The following TCF3 variants were observed in gnomAD, a reference collection of about 807,000 sequenced individuals.
TCF3 encodes the protein transcription factor E2-alpha.
A neutral mutation model predicts 72.3 loss-of-function variants in TCF3; 54 were observed. The ratio of observed to expected loss-of-function variants is 0.75; its 90% CI spans 0.60 to 0.94. TCF3 has a LOEUF of 0.94. Among genes scored for constraint, TCF3 ranks in the 40% least tolerant of loss-of-function variants. The pLI is 0.00. For missense variants in TCF3, 1,078 were observed against 934.4 expected, an observed-to-expected ratio of 1.15 and a Z score of -2.00; for synonymous variants, 525 against 412.6, an observed-to-expected ratio of 1.27 and a Z score of -3.30.
intron 8 of TCF3, 92 bp downstream of exon 8, chr19:1,623,859 C>T (rs2062557251): frequency 1.5e-6 from 2 of 1,355,162 alleles, no homozygotes; most frequent in South Asian, 1.3e-5. Flanking sequence ...CAGGGCCCAC[C>T]CCGCCATGTG....
chr19:1,642,778 G>C (rs1038777891), intron 3 of TCF3, among the ~76,000 whole-genome samples: 39 of 152,154 alleles, frequency 2.6e-4, no homozygotes, highest in African/African-American at 8.9e-4. Flanking sequence ...GGTCACAAGG[G>C]ACGCTTTCAA....
In TCF3 at chr19:1,650,264, G is replaced by A; in HGVS notation, c.-16C>T. On this transcript the variant is annotated 5_prime_UTR_variant, in exon 2 of 19. Coordinates refer to ENST00000262965, the MANE Select transcript of TCF3 (RefSeq NM_003200.5). ...GCTGGTTCATTCTCCTGGGGCCAGG[G>A]CGGGCACCTCAGGCCTGGAAACCCT... The A allele has an allele frequency of 1.3e-6, 2 of 1,555,636 alleles. No individual in the cohort carries two copies. Among genetic ancestry groups the A allele is most frequent in the Non-Finnish European group, 1.7e-6 (2 of 1,151,230 alleles).
At position 1,625,628 on chromosome 19, in the gene TCF3, G is replaced by C; in HGVS notation, c.447C>G (p.Tyr149Ter). 1 of 1,566,256 alleles carries C rather than the reference G, an allele frequency of 6.4e-7. No homozygotes were observed. Among genetic ancestry groups the C allele is most frequent in the Non-Finnish European group, 8.6e-7 (1 of 1,160,234 alleles). Residue 149 changes from tyrosine to a stop codon, truncating the protein, a stop_gained, in exon 7 of 19, where the codon TAC becomes TAG. Coordinates refer to ENST00000262965, the MANE Select transcript of TCF3 (RefSeq NM_003200.5). LOFTEE classifies it high-confidence loss of function. ...GGGAGCTGCCGGAGTAGGAGGGGTA[G>C]TACTGGGAGGTCCCCTTCATGCCCG... is the stretch of plus-strand genomic sequence containing the variant. The part of the protein sequence containing the change: ...SPSGMKGTSQ[Y>*]YPSYSGSSRR...
intron 5 of TCF3, among the ~76,000 whole-genome samples, chr19:1,629,262 A>G (rs1304410567): frequency 6.6e-6 from 1 of 151,848 alleles, no homozygotes; most frequent in Admixed American, 6.6e-5. Flanking sequence ...GTCCCAGGGG[A>G]CAGGCCTGGG....
intron 3 of TCF3, among the ~76,000 whole-genome samples, chr19:1,643,342 T>G (rs2065609752): frequency 6.6e-6 from 1 of 152,140 alleles, no homozygotes; most frequent in Non-Finnish European, 1.5e-5. Flanking sequence ...TGCCTCAGCC[T>G]CCCGAGTAGC....
At chr19:1,635,064 C>T (rs577725567) in intron 3 of TCF3, among the ~76,000 whole-genome samples, 5 of 152,184 alleles carry the variant, frequency 3.3e-5, no homozygotes, top group East Asian at 1.9e-4. Flanking sequence ...GTTACCATGC[C>T]GGGCAGGCAA....
At position 1,612,275 on chromosome 19, in the gene TCF3, G is replaced by A. The variant is rs377185315; in HGVS notation, c.1823-426C>T. ...CTGCAGGATGAGCAGCTTGGTCTGC[G>A]CTTTGTCCGACTTGAGGTGCATCTG... On this transcript the variant is annotated intron_variant, in intron 18 of 18. Coordinates refer to ENST00000262965, the MANE Select transcript of TCF3 (RefSeq NM_003200.5). 34 of 1,613,132 alleles carry A rather than the reference G, an allele frequency of 2.1e-5. No individual in the cohort carries two copies. Among genetic ancestry groups the A allele is most frequent in the South Asian group, 3.3e-5 (3 of 91,042 alleles).
At chr19:1,637,637 C>T (rs934123759) in intron 3 of TCF3, among the ~76,000 whole-genome samples, 1 of 152,134 alleles carries the variant, frequency 6.6e-6, no homozygotes, top group Admixed American at 6.5e-5. Flanking sequence ...GGGCCGGGCA[C>T]GGTGGCTCAC....
At chr19:1,631,387 G>A (rs1232101526) in intron 5 of TCF3, among the ~76,000 whole-genome samples, 1 of 151,994 alleles carries the variant, frequency 6.6e-6, no homozygotes, top group African/African-American at 2.4e-5. Context: ...TCCTGCCTCA[G>A]CCTCCTGAGT....
chr19:1,642,557 A>C (rs1322804777), intron 3 of TCF3, among the ~76,000 whole-genome samples: 2 of 152,200 alleles, frequency 1.3e-5, no homozygotes, highest in African/African-American at 4.8e-5. Context: ...TTCACCAGAG[A>C]GCCATTCACA....
At chr19:1,613,876 G>A (rs1017345274) in intron 18 of TCF3, among the ~76,000 whole-genome samples, 2 of 152,242 alleles carry the variant, frequency 1.3e-5, no homozygotes, top group Admixed American at 6.5e-5. Flanking sequence ...AATGGTCGCA[G>A]TAGGAGCTCT....
At chr19:1,645,964 C>T (rs547043255) in intron 3 of TCF3, among the ~76,000 whole-genome samples, 18 of 152,182 alleles carry the variant, frequency 1.2e-4, no homozygotes, top group African/African-American at 4.1e-4. Flanking sequence ...CAGTGAGAGC[C>T]GGGATCCCGC....
chr19:1,638,852 A>G (rs1162700324), intron 3 of TCF3, among the ~76,000 whole-genome samples: 1 of 152,246 alleles, frequency 6.6e-6, no homozygotes, highest in Non-Finnish European at 1.5e-5. Context: ...GAAAAACAAA[A>G]TAAGACGATG....
At chr19:1,646,519 G>A (rs569587988) in intron 2 of TCF3, 92 bp from the exon 3 acceptor site, 43 of 1,194,150 alleles carry the variant, frequency 3.6e-5, no homozygotes, top group South Asian at 3.2e-4. Flanking sequence ...GCAGAGCTGG[G>A]GACACCCGGG....
At chr19:1,647,810 T>A (rs2145684887) in intron 2 of TCF3, among the ~76,000 whole-genome samples, 1 of 152,296 alleles carries the variant, frequency 6.6e-6, no homozygotes, top group Non-Finnish European at 1.5e-5. Flanking sequence ...GCAGGCCTCA[T>A]GAGCAGCCCA....
chr19:1,617,228 T>C (rs2061640378), intron 16 of TCF3, among the ~76,000 whole-genome samples: 1 of 152,198 alleles, frequency 6.6e-6, no homozygotes, highest in East Asian at 1.9e-4. Flanking sequence ...TATCACACCC[T>C]TGATCAGCAG....
intron 13 of TCF3, 42 bp from the exon 14 acceptor site, chr19:1,619,895 G>T: frequency 1.3e-6 from 2 of 1,495,354 alleles, no homozygotes; most frequent in Non-Finnish European, 1.8e-6. Context: ...GAGGGGCGGG[G>T]TGTGAGCATG....
rs999813415 is a variant in TCF3 at position 1,625,604 on chromosome 19, G to C, written c.471C>G (p.Ser157=). The part of the protein sequence containing the change: ...SQYYPSYSGS[S]RRRAADGSLD... ...GGCTGCCGTCTGCCGCTCTCCGCCG[G>C]GAGCTGCCGGAGTAGGAGGGGTAGT... Residue 157 remains serine (S), a synonymous_variant, in exon 7 of 19, where the codon TCC becomes TCG. Transcript: ENST00000262965. 6.3e-7 allele frequency: 1 copy of C among 1,584,860 alleles called. No homozygotes were observed. The highest frequency in any genetic ancestry group is 8.6e-7 in the Non-Finnish European group (1 of 1,168,114).
At chr19:1,619,529 C>T in intron 14 of TCF3, 55 bp from the exon 15 acceptor site, 1 of 1,533,372 alleles carries the variant, frequency 6.5e-7, no homozygotes. Context: ...CCCCACAGGC[C>T]TCCATTCATG....
Sources: allele counts gnomAD v4.1 joint callset (sites outside exome capture counted in the v4.1 genomes callset), GRCh38; gene constraint gnomAD v4.1.1; transcripts MANE v1.5; gene names NCBI Gene and HGNC (gene_info 2026-07-23, HGNC 2026-07-21).